Variants in NTN5 observed in about 807,000 individuals in gnomAD.
The protein encoded by NTN5 is netrin 5.
A neutral mutation model predicts 38.7 loss-of-function variants in NTN5; 42 were observed. That is an observed-to-expected ratio of 1.08 (90% CI 0.85 to 1.40). The LOEUF (loss-of-function observed/expected upper bound fraction) is 1.40, where lower values mean the gene tolerates loss of function less well. Among genes scored for constraint, NTN5 ranks in the 40% most tolerant of loss-of-function variants. The pLI is 0.00. For synonymous variants in NTN5, 329 were observed against 303.9 expected (o/e 1.08, Z -0.86); for missense variants, 658 against 716.5 (o/e 0.92, Z 0.93).
intron 2 of NTN5, 96 bp downstream of exon 2, chr19:48,670,260 G>A (rs1357708359): frequency 7.8e-7 from 1 of 1,278,956 alleles, no homozygotes; most frequent in African/African-American, 1.6e-5. Context: ...GGAGCACCCA[G>A]TTCCAGCGAG....
At chr19:48,669,984 TCAC>T (rs2031906514) in intron 2 of NTN5, among the ~76,000 whole-genome samples, 1 of 1,194 alleles carries the variant, frequency 8.4e-4, no homozygotes, top group Non-Finnish European at 3.3e-3. Flanking sequence ...ATCACCATCA[TCAC>T]CACCACCATC....
intron 2 of NTN5, among the ~76,000 whole-genome samples, chr19:48,669,037 T>C (rs1350018890): frequency 3.9e-5 from 4 of 103,528 alleles, no homozygotes; most frequent in Non-Finnish European, 4.1e-5. Flanking sequence ...ACTATCACTA[T>C]CATCACCACC....
In NTN5 at chr19:48,670,620, A is replaced by T. The variant is rs532979521; in HGVS notation, c.367T>A (p.Phe123Ile). 2.5e-6 allele frequency: 4 copies of T among 1,599,618 alleles called. No individual in the cohort carries two copies. In the East Asian group the frequency reaches 9.1e-5, roughly 36 times the overall value. Residue 123 changes from phenylalanine (F) to isoleucine (I), a missense_variant, in exon 2 of 7, where the codon TTC (phenylalanine) becomes ATC (isoleucine). Phe to Ile is a conservative substitution (Grantham distance 21). Coordinates refer to ENST00000270235, the MANE Select transcript of NTN5 (RefSeq NM_145807.4). ...GALGGPERVT[F>I]HSTPGPKATV... ...GCCTTAGGACCTGGTGTGGAGTGGA[A>T]GGTCACCCTTTCAGGGCCCCCTAAG...
Position 48,664,584 on chromosome 19 carries a change from C to T in NTN5, c.815G>A (p.Cys272Tyr). 6.2e-7 allele frequency: 1 copy of T among 1,610,728 alleles called. No homozygotes were observed. The highest frequency in any genetic ancestry group is 8.5e-7 in the Non-Finnish European group (1 of 1,178,470). Reference protein sequence around the residue: ...PSQPIFSRRACRACQCHPIGA... With the variant: ...PSQPIFSRRAYRACQCHPIGA... ...TGTCTGCAGGCCACACTCACCTCTG[C>T]AGGCCCTGCGGCTGAAGATAGGCTG... Residue 272 changes from cysteine (C) to tyrosine (Y), a missense_variant, in exon 3 of 7, where the codon TGC becomes TAC. By Grantham distance (194) the Cys-to-Tyr change is radical. Coordinates refer to ENST00000270235, the MANE Select transcript of NTN5 (RefSeq NM_145807.4).
At chr19:48,668,653 C>T (rs1256884926) in intron 2 of NTN5, among the ~76,000 whole-genome samples, 3 of 152,160 alleles carry the variant, frequency 2.0e-5, no homozygotes, top group Non-Finnish European at 4.4e-5. Flanking sequence ...AGATCCTGGC[C>T]CTGCCACACG....
At position 48,661,845 on chromosome 19, in the gene NTN5, G is replaced by A; in HGVS notation, c.1302C>T (p.Ser434=). The A allele has an allele frequency of 2.2e-6, 3 of 1,335,824 alleles. No homozygotes were observed. Among genetic ancestry groups the A allele is most frequent in the Non-Finnish European group, 2.9e-6 (3 of 1,047,346 alleles). 82.7% of individuals were successfully genotyped at this position (1,335,824 alleles called of 1,614,324 possible). A position where few individuals can be genotyped will look rare whatever the true frequency, so the allele number is the denominator to read the frequency against. Residue 434 remains serine, a synonymous_variant, in exon 7 of 7, where the codon AGC becomes AGT. Transcript: ENST00000270235. ...GCGTGGGGTCGGGGTCGCCCACGGCGCTGCCCAGCAGCAGGTAGTCGGTGC... is the reference window on the plus strand; with the variant it reads ...GCGTGGGGTCGGGGTCGCCCACGGCACTGCCCAGCAGCAGGTAGTCGGTGC... The part of the protein sequence containing the change: ...QPGTDYLLLG[S]AVGDPDPTRL...
Position 48,663,908 on chromosome 19 carries a change from G to T in NTN5, c.971-94C>A. ...AATCCAGGCACCCAAACTCTTAAGTGTTTATTCCTTTAGGACTCAAGAGTG... is the reference window on the plus strand; with the variant it reads ...AATCCAGGCACCCAAACTCTTAAGTTTTTATTCCTTTAGGACTCAAGAGTG... On this transcript the variant is annotated intron_variant, in intron 4 of 6. Coordinates refer to ENST00000270235, the MANE Select transcript of NTN5 (RefSeq NM_145807.4). 3.8e-6 allele frequency: 5 copies of T among 1,322,682 alleles called. 1 individual carries two copies. Among genetic ancestry groups the T allele is most frequent in the Middle Eastern group, 3.7e-4 (2 of 5,446 alleles). 81.9% of individuals were successfully genotyped at this position (1,322,682 alleles called of 1,614,324 possible).
Position 48,664,603 on chromosome 19 carries a change from T to C in NTN5, c.796A>G (p.Ile266Val), listed in dbSNP as rs148717503. ...CCTCTGCAGGCCCTGCGGCTGAAGA[T>C]AGGCTGGCTAGGGTCCCTCCAGAAC... The part of the protein sequence containing the change: ...PGFWRDPSQP[I>V]FSRRACRACQ... The change falls in exon 3 of 7, where the codon ATC (isoleucine) becomes GTC (valine). Residue 266 changes from isoleucine (I) to valine (V), a missense_variant. Physicochemically the swap from Ile to Val is conservative, Grantham distance 29. Coordinates refer to ENST00000270235, the MANE Select transcript of NTN5 (RefSeq NM_145807.4). 3 of 1,613,046 alleles carry C rather than the reference T, an allele frequency of 1.9e-6. No individual in the cohort carries two copies. Among genetic ancestry groups the C allele is most frequent in the African/African-American group, 2.7e-5 (2 of 74,906 alleles).
chr19:48,661,577 G>A lies in NTN5; in HGVS notation c.*100C>T, dbSNP rs2147734671. 2 of 1,302,378 alleles carry A rather than the reference G, an allele frequency of 1.5e-6. No individual in the cohort carries two copies. Among genetic ancestry groups the A allele is most frequent in the South Asian group, 1.9e-5 (1 of 53,718 alleles). 80.7% of individuals were successfully genotyped at this position (1,302,378 alleles called of 1,614,324 possible). A position where few individuals can be genotyped will look rare whatever the true frequency, so the allele number is the denominator to read the frequency against. On this transcript the variant is annotated 3_prime_UTR_variant, in exon 7 of 7. Coordinates refer to ENST00000270235, the MANE Select transcript of NTN5 (RefSeq NM_145807.4). ...CATAGTGTCGTCGGGGCTCTGCGAC[G>A]TCTGATTGGCTCTCTGCAGTGCACC...
chr19:48,662,993 A>G, intron 6 of NTN5: 1 of 332,288 alleles, frequency 3.0e-6, no homozygotes, highest in Admixed American at 3.8e-5. Flanking sequence ...AGAGAGCTGA[A>G]TAGCCTGAGG....
chr19:48,661,925 C>T lies in NTN5; in HGVS notation c.1222G>A (p.Asp408Asn). Reference sequence around the variant, plus strand: ...AGGTCGGCGCGGGGCACCCAGGCGTCCTGGTCGCCGCGTCGCACGGGCTGC... The same window carrying T: ...AGGTCGGCGCGGGGCACCCAGGCGTTCTGGTCGCCGCGTCGCACGGGCTGC... Reference protein sequence around the residue: ...RAQPVRRGDQDAWVPRADLTC... With the variant: ...RAQPVRRGDQNAWVPRADLTC... Residue 408 changes from aspartate (D) to asparagine (N), a missense_variant, in exon 7 of 7, where the codon GAC (aspartate) becomes AAC (asparagine). Asp to Asn is a conservative substitution (Grantham distance 23). Coordinates refer to ENST00000270235, the MANE Select transcript of NTN5 (RefSeq NM_145807.4). The T allele has an allele frequency of 7.3e-7, 1 of 1,366,036 alleles. No homozygotes were observed. The highest frequency in any genetic ancestry group is 9.4e-7 in the Non-Finnish European group (1 of 1,063,244). 84.6% of individuals were successfully genotyped at this position (1,366,036 alleles called of 1,614,324 possible).
intron 2 of NTN5, among the ~76,000 whole-genome samples, chr19:48,665,887 C>G (rs1204203730): frequency 6.6e-6 from 1 of 151,926 alleles, no homozygotes; most frequent in Non-Finnish European, 1.5e-5. Context: ...TTGTCGGTCT[C>G]TCTGACCGTA....
Position 48,664,784 on chromosome 19 carries a change from G to C in NTN5, c.632-17C>G. The C allele has an allele frequency of 6.6e-7, 1 of 1,523,736 alleles. No individual in the cohort carries two copies. The highest frequency in any genetic ancestry group is 8.8e-7 in the Non-Finnish European group (1 of 1,134,290). 94.4% of individuals were successfully genotyped at this position (1,523,736 alleles called of 1,614,324 possible). A position where few individuals can be genotyped will look rare whatever the true frequency, so the allele number is the denominator to read the frequency against. ...AGGAGCAGGCTAGGAGCAAAATGGG[G>C]TGGGGGCGCATCAGGGCCGAGTGTG... is the stretch of plus-strand genomic sequence containing the variant. On this transcript the variant is annotated splice_polypyrimidine_tract_variant and intron_variant, in intron 2 of 6. Coordinates refer to ENST00000270235, the MANE Select transcript of NTN5 (RefSeq NM_145807.4).
chr19:48,665,827 A>T, intron 2 of NTN5, among the ~76,000 whole-genome samples: 1 of 152,092 alleles, frequency 6.6e-6, no homozygotes, highest in Non-Finnish European at 1.5e-5. Context: ...TCAGAAAAAA[A>T]AAAAACAAAA....
intron 2 of NTN5, among the ~76,000 whole-genome samples, chr19:48,666,489 T>C (rs1036584589): frequency 1.3e-5 from 2 of 151,530 alleles, no homozygotes; most frequent in African/African-American, 4.8e-5. Context: ...TGAGTTATGA[T>C]TGCACCACTG....
intron 6 of NTN5, 60 bp from the exon 7 acceptor site, chr19:48,662,101 C>T (rs2031566157): frequency 2.2e-6 from 3 of 1,353,354 alleles, no homozygotes. Context: ...CCTCTGGGTC[C>T]CGTGGGGTCA....
At chr19:48,662,894 T>G (rs1452040588) in intron 6 of NTN5, 1 of 213,030 alleles carries the variant, frequency 4.7e-6, no homozygotes, top group Non-Finnish European at 9.6e-6. Flanking sequence ...ATGAGGTTCC[T>G]GAGGGAGAAG....
rs2031648199 is a variant in NTN5 at position 48,664,668 on chromosome 19, TGGC to T, written c.728_730del (p.Arg243del). ...GTGGCAGTGCCGCCCAGCTGTGTGGTGGCGGCACCGCTCACAAACACCCCCACT... is the reference window on the plus strand; with the variant it reads ...GTGGCAGTGCCGCCCAGCTGTGTGGTGGCACCGCTCACAAACACCCCCACT... On this transcript the variant is annotated inframe_deletion, in exon 3 of 7. Transcript: ENST00000270235. 1 of 1,612,188 alleles carries T rather than the reference TGGC, an allele frequency of 6.2e-7. No homozygotes were observed. The highest frequency in any genetic ancestry group is 1.3e-5 in the African/African-American group (1 of 75,006).
Position 48,661,652 on chromosome 19 carries a change from T to C in NTN5, c.*25A>G. On this transcript the variant is annotated 3_prime_UTR_variant, in exon 7 of 7. Transcript: ENST00000270235. ...AGTCGCTCCCAAATTACTTTGTTGG[T>C]GCTCGAGGCAGCCCCATCTCACGTC... The C allele has an allele frequency of 6.6e-7, 1 of 1,510,778 alleles. No individual in the cohort carries two copies. Among genetic ancestry groups the C allele is most frequent in the Admixed American group, 2.2e-5 (1 of 46,468 alleles). The allele number at this position is 1,510,778 out of a possible 1,614,324, so 93.6% of individuals were successfully genotyped here.
Sources: gnomAD v4.1 joint callset for allele counts (sites outside exome capture counted in the v4.1 genomes callset) on GRCh38, gnomAD v4.1.1 for gene constraint, MANE v1.5 for transcripts, NCBI Gene and HGNC (gene_info 2026-07-23, HGNC 2026-07-21) for gene names.